GPR22: variants seen among roughly 807,000 people sequenced by gnomAD.
GPR22 encodes the protein G-protein coupled receptor 22.
In GPR22, 13 loss-of-function variants were observed where a neutral mutation model predicts 31.0. The observed-to-expected ratio is 0.42, with a 90% CI of 0.27 to 0.67. GPR22 has a LOEUF of 0.67. Among genes scored for constraint, GPR22 ranks in the 30% least tolerant of loss-of-function variants. GPR22 has a pLI of 0.25. For missense variants in GPR22, 368 were observed against 509.6 expected (o/e 0.72, Z 2.67); for synonymous variants, 191 against 173.4 (o/e 1.10, Z -0.80).
At chr7:107,477,154 G>A (rs1042120319), downstream of GPR22, among the ~76,000 whole-genome samples, 2 of 151,644 alleles carry the variant, frequency 1.3e-5, no homozygotes, top group Admixed American at 6.6e-5. Context: ...TTTTCGTTTA[G>A]TAAATACATT....
At chr7:107,476,183 T>TAAAA (rs1563056700), downstream of GPR22, among the ~76,000 whole-genome samples, 249 of 86,342 alleles carry the variant, frequency 2.9e-3, 4 homozygotes, top group African/African-American at 9.5e-3. Flanking sequence ...TGCAATGATT[T>TAAAA]TAAAAAAAAA....
Position 107,474,041 on chromosome 7 carries a change from A to C in GPR22, c.-20A>C. 6.4e-6 allele frequency: 9 copies of C among 1,406,022 alleles called. No homozygotes were observed. Among genetic ancestry groups the C allele is most frequent in the Non-Finnish European group, 8.8e-6 (9 of 1,026,306 alleles). The allele number at this position is 1,406,022 out of a possible 1,614,324, so 87.1% of individuals were successfully genotyped here. ...ATTCTATTTCACTTTCTAGGGAAAA[A>C]AACCAACTGCTCCAAAAGAATGTGT... On this transcript the variant is annotated 5_prime_UTR_variant, in exon 3 of 3. Coordinates refer to ENST00000304402, the MANE Select transcript of GPR22 (RefSeq NM_005295.3). The surrounding 1 kb of genome is among the most constrained non-coding windows in gnomAD (Gnocchi z 5.7).
At chr7:107,471,166 AATAAC>A (rs1328622030) in intron 1 of GPR22, among the ~76,000 whole-genome samples, 1 of 152,070 alleles carries the variant, frequency 6.6e-6, no homozygotes, top group African/African-American at 2.4e-5. Context: ...TCTATTGTTA[AATAAC>A]ATAATATATA....
intron 1 of GPR22, among the ~76,000 whole-genome samples, chr7:107,470,926 A>T (rs1433464372): frequency 6.6e-6 from 1 of 151,902 alleles, no homozygotes; most frequent in East Asian, 1.9e-4. Flanking sequence ...ATCTTATGAA[A>T]TCTGTTTTAA....
chr7:107,471,112 A>T (rs1584866454), intron 1 of GPR22, among the ~76,000 whole-genome samples: 1 of 152,062 alleles, frequency 6.6e-6, no homozygotes, highest in African/African-American at 2.4e-5. Flanking sequence ...AATTAGTTTT[A>T]AAAAATATAG....
At chr7:107,473,467 A>G (rs578054396) in intron 2 of GPR22, among the ~76,000 whole-genome samples, 1 of 152,062 alleles carries the variant, frequency 6.6e-6, no homozygotes, top group South Asian at 2.1e-4. Context: ...AACCCCAAAT[A>G]TCACCAAGCA....
In GPR22 at chr7:107,472,162, C is replaced by A. The variant is rs1329975359; in HGVS notation, c.-167C>A. 6.6e-6 allele frequency: 1 copy of A among 151,944 alleles called. No individual in the cohort carries two copies. Among genetic ancestry groups the A allele is most frequent in the Middle Eastern group, 3.2e-3 (1 of 316 alleles). The allele number at this position is 151,944 out of a possible 1,614,324, so 9.4% of individuals were successfully genotyped here. A position where few individuals can be genotyped will look rare whatever the true frequency, so the allele number is the denominator to read the frequency against. ...TTGGCCGTGACTTTTTAAAGCAAAA[C>A]AAATACAAATATTATGTACTGTTCT... On this transcript the variant is annotated 5_prime_UTR_variant, in exon 2 of 3. Transcript: ENST00000304402.
rs941415102 is a variant in GPR22 at position 107,474,946 on chromosome 7, C to A, written c.886C>A (p.Arg296=). 1.2e-6 allele frequency: 2 copies of A among 1,612,376 alleles called. No homozygotes were observed. The highest frequency in any genetic ancestry group is 1.7e-6 in the Non-Finnish European group (2 of 1,179,262). The change falls in exon 3 of 3, where the codon CGA becomes AGA. Residue 296 remains arginine, a synonymous_variant. Transcript: ENST00000304402. This position sits in a 1 kb window ranked among gnomAD's most constrained non-coding sequence, Gnocchi z 5.7. ...TSVSVIIALR[R]AVKRHRERRE... Reference sequence around the variant, plus strand: ...AGTTTCTGTAATAATTGCCCTCCGGCGAGCTGTGAAACGACACCGTGAACG... The same window carrying A: ...AGTTTCTGTAATAATTGCCCTCCGGAGAGCTGTGAAACGACACCGTGAACG...
downstream of GPR22, among the ~76,000 whole-genome samples, chr7:107,477,650 C>A (rs1387992627): frequency 6.6e-6 from 1 of 151,708 alleles, no homozygotes; most frequent in Non-Finnish European, 1.5e-5. Flanking sequence ...AAAACTCATA[C>A]CTATCAGAAA....
rs1796889417 is a variant in GPR22 at position 107,475,080 on chromosome 7, C to T, written c.1020C>T (p.Gly340=). The T allele has an allele frequency of 1.2e-6, 2 of 1,612,808 alleles. No individual in the cohort carries two copies. ...SVLNTTILCL[G]PSDLLVKLRL... is the part of the protein sequence containing the mutation. ...TAAATACCACCATTTTATGTTTAGG[C>T]CCAAGTGACCTTTTAGTAAAATTAA... Residue 340 remains glycine, a synonymous_variant, in exon 3 of 3, where the codon GGC becomes GGT. Coordinates refer to ENST00000304402, the MANE Select transcript of GPR22 (RefSeq NM_005295.3).
Position 107,475,512 on chromosome 7 carries a change from T to C in GPR22, c.*150T>C. The C allele has an allele frequency of 1.9e-6, 1 of 515,520 alleles. No homozygotes were observed. The highest frequency in any genetic ancestry group is 3.5e-6 in the Non-Finnish European group (1 of 287,710). 31.9% of individuals were successfully genotyped at this position (515,520 alleles called of 1,614,324 possible). On this transcript the variant is annotated 3_prime_UTR_variant, in exon 3 of 3. Transcript: ENST00000304402. The stretch of plus-strand genomic sequence containing the variant: ...GTGAATGTCAATTAGATAGGTCATA[T>C]ATATTCAATTTCTTCATTACTTAAT...
In GPR22 at chr7:107,474,107, A is replaced by C; in HGVS notation, c.47A>C (p.Asn16Thr). Residue 16 changes from asparagine to threonine, a missense_variant, in exon 3 of 3, where the codon AAC (asparagine) becomes ACC (threonine). Physicochemically the swap from Asn to Thr is moderately conservative, Grantham distance 65. Coordinates refer to ENST00000304402, the MANE Select transcript of GPR22 (RefSeq NM_005295.3). This position sits in a 1 kb window ranked among gnomAD's most constrained non-coding sequence, Gnocchi z 5.7. The stretch of plus-strand genomic sequence containing the variant: ...GAAATCAACATGCAGTCTGAATCTA[A>C]CATTACAGTGCGAGATGACATTGAT... ...ILEINMQSESNITVRDDIDDI... is the reference protein window; with the variant it reads ...ILEINMQSESTITVRDDIDDI... 6.2e-7 allele frequency: 1 copy of C among 1,605,220 alleles called. No individual in the cohort carries two copies. Among genetic ancestry groups the C allele is most frequent in the Non-Finnish European group, 8.5e-7 (1 of 1,174,592 alleles).
rs571734983 is a variant in GPR22, at chr7:107,474,533, T to C, written c.473T>C (p.Val158Ala). 6.2e-7 allele frequency: 1 copy of C among 1,611,562 alleles called. No homozygotes were observed. Among genetic ancestry groups the C allele is most frequent in the African/African-American group, 1.3e-5 (1 of 74,962 alleles). Residue 158 changes from valine (V) to alanine (A), a missense_variant, in exon 3 of 3, where the codon GTA becomes GCA. Transcript: ENST00000304402. The surrounding 1 kb of genome is among the most constrained non-coding windows in gnomAD (Gnocchi z 5.7). ...ANRILTMGRA[V>A]MLMISIWIFS... is the part of the protein sequence containing the mutation. The stretch of plus-strand genomic sequence containing the variant: ...CGAATTCTGACAATGGGCAGAGCTG[T>C]AATGTTAATGATATCCATTTGGATT...
intron 2 of GPR22, among the ~76,000 whole-genome samples, chr7:107,473,499 A>G (rs900284963): frequency 1.3e-5 from 2 of 151,986 alleles, no homozygotes; most frequent in East Asian, 3.9e-4. Flanking sequence ...TCTGAATATG[A>G]ATTCAATCAA....
intron 2 of GPR22, chr7:107,472,938 C>T (rs1423608063): frequency 6.6e-6 from 1 of 151,786 alleles, no homozygotes; most frequent in Non-Finnish European, 1.5e-5. Context: ...TAGCCCAGAA[C>T]ATTAGACATT....
Position 107,471,418 on chromosome 7 carries a change from TG to T in GPR22, c.-910del, listed in dbSNP as rs1796626444. On this transcript the variant is annotated 5_prime_UTR_variant, in exon 2 of 3. It removes an upstream start codon present in the reference 5' UTR. Coordinates refer to ENST00000304402, the MANE Select transcript of GPR22 (RefSeq NM_005295.3). ...TATTTACAACTGACAATATGAAGAA[TG>T]CAATTGACTGAGCATCTCCCTAGCT... The T allele has an allele frequency of 1.3e-5, 2 of 152,166 alleles. No individual in the cohort carries two copies. Among genetic ancestry groups the T allele is most frequent in the Admixed American group, 6.6e-5 (1 of 15,238 alleles). 9.4% of individuals were successfully genotyped at this position (152,166 alleles called of 1,614,324 possible). A position where few individuals can be genotyped will look rare whatever the true frequency, so the allele number is the denominator to read the frequency against.
In GPR22 at chr7:107,474,376, T is replaced by C. The variant is rs1350266860; in HGVS notation, c.316T>C (p.Ser106Pro). 1 of 1,612,768 alleles carries C rather than the reference T, an allele frequency of 6.2e-7. No homozygotes were observed. Residue 106 changes from serine to proline, a missense_variant, in exon 3 of 3, where the codon TCA becomes CCA. Transcript: ENST00000304402. The surrounding 1 kb of genome is among the most constrained non-coding windows in gnomAD (Gnocchi z 5.7). ...TCTAACTATAGTTATCCTTCTGCTT[T>C]CACTGGAGAGTAACACTGCTCTCAT... ...IPLTIVILLL[S>P]LESNTALICC...
rs750985006 is a variant in GPR22, at chr7:107,474,622, A to T, written c.562A>T (p.Asn188Tyr). 6.2e-7 allele frequency: 1 copy of T among 1,611,094 alleles called. No individual in the cohort carries two copies. The highest frequency in any genetic ancestry group is 1.3e-5 in the African/African-American group (1 of 74,750). The change falls in exon 3 of 3, where the codon AAT (asparagine) becomes TAT (tyrosine). Residue 188 changes from asparagine (N) to tyrosine (Y), a missense_variant. Physicochemically the swap from Asn to Tyr is moderately radical, Grantham distance 143. Coordinates refer to ENST00000304402, the MANE Select transcript of GPR22 (RefSeq NM_005295.3). This position sits in a 1 kb window ranked among gnomAD's most constrained non-coding sequence, Gnocchi z 5.7. Reference protein sequence around the residue: ...EVNFFSLQSGNTWENKTLLCV... With the variant: ...EVNFFSLQSGYTWENKTLLCV... ...AAATTTTTTCAGTCTTCAAAGTGGA[A>T]ATACCTGGGAAAACAAGACACTTTT...
Position 107,471,194 on chromosome 7 carries a change from G to A in GPR22, c.-957-178G>A, listed in dbSNP as rs530983768. ...AACATAATATATACAATCTTTATTAGGAAAAAAGACTTATTTAAAGAAACA... is the reference window on the plus strand; with the variant it reads ...AACATAATATATACAATCTTTATTAAGAAAAAAGACTTATTTAAAGAAACA... On this transcript the variant is annotated intron_variant, in intron 1 of 2. Coordinates refer to ENST00000304402, the MANE Select transcript of GPR22 (RefSeq NM_005295.3). 1.3e-3 allele frequency among the ~76,000 whole-genome samples: 191 copies of A among 151,844 alleles called. 2 individuals carry two copies. Among genetic ancestry groups the A allele is most frequent in the African/African-American group, 4.4e-3 (182 of 41,436 alleles).
Sources: gnomAD v4.1 joint callset for allele counts (sites outside exome capture counted in the v4.1 genomes callset) on GRCh38, gnomAD v4.1.1 for gene constraint, Gnocchi (gnomAD v3.1) non-coding constraint, MANE v1.5 for transcripts, NCBI Gene and HGNC (gene_info 2026-07-23, HGNC 2026-07-21) for gene names.